Variants in FGD3 observed in about 807,000 individuals in gnomAD.
FGD3 encodes the protein FYVE, RhoGEF and PH domain containing 3, also known as FYVE, RhoGEF and PH domain-containing protein 3.
Under a neutral mutation model 71.8 loss-of-function variants are expected in FGD3, and 45 were observed. That is an observed-to-expected ratio of 0.63 (90% CI 0.49 to 0.80). The LOEUF (loss-of-function observed/expected upper bound fraction) is 0.80, where lower values mean the gene tolerates loss of function less well. FGD3 is among the 30% of genes least tolerant of loss of function. FGD3 has a pLI of 0.00. For synonymous variants in FGD3, 378 were observed against 392.8 expected (o/e 0.96, Z 0.44); for missense variants, 844 against 951.5 (o/e 0.89, Z 1.49).
chr9:92,975,629 G>C (rs909631089), intron 2 of FGD3, among the ~76,000 whole-genome samples: 1 of 152,200 alleles, frequency 6.6e-6, no homozygotes, highest in Non-Finnish European at 1.5e-5. Flanking sequence ...CAGTGCACAG[G>C]AGGGAGGAGG....
rs1338417396 is a variant in FGD3 at position 93,003,933 on chromosome 9, G to A, written c.544-68G>A. 19 of 1,591,836 alleles carry A rather than the reference G, an allele frequency of 1.2e-5. No individual in the cohort carries two copies. The highest frequency in any genetic ancestry group is 2.2e-5 in the South Asian group (2 of 90,320). ...CTCCCGAGCGCCCTCACCTGTGGCC[G>A]AAGCGGGGCGGCAACTGTGCTCAGT... On this transcript the variant is annotated intron_variant, in intron 4 of 17. Transcript: ENST00000375482. This position sits in a 1 kb window ranked among gnomAD's most constrained non-coding sequence, Gnocchi z 4.1.
chr9:93,032,938 G>A (rs968704660), intron 16 of FGD3, 65 bp downstream of exon 16: 1 of 1,437,792 alleles, frequency 7.0e-7, no homozygotes. Context: ...ACCTGCTCCT[G>A]TGCCCCAGCA....
intron 1 of FGD3, among the ~76,000 whole-genome samples, chr9:92,959,898 C>T (rs1006649670): frequency 2.0e-5 from 3 of 151,776 alleles, no homozygotes; most frequent in African/African-American, 7.3e-5. Context: ...CCCCCATGCC[C>T]TCATTTCTCT....
At position 93,013,969 on chromosome 9, in the gene FGD3, G is replaced by A. The variant is rs1861550640; in HGVS notation, c.1153G>A (p.Gly385Ser). Reference sequence around the variant, plus strand: ...AATCCAGAAACTGTCAGCCAAGAACGGCACCCCCCAGGACCGCCACCTCTT... The same window carrying A: ...AATCCAGAAACTGTCAGCCAAGAACAGCACCCCCCAGGACCGCCACCTCTT... ...GQIQKLSAKN[G>S]TPQDRHLFLF... Residue 385 changes from glycine to serine, a missense_variant, in exon 9 of 18, where the codon GGC becomes AGC. Coordinates refer to ENST00000375482, the MANE Select transcript of FGD3 (RefSeq NM_001083536.2). 3.7e-6 allele frequency: 6 copies of A among 1,610,572 alleles called. No homozygotes were observed. Among genetic ancestry groups the A allele is most frequent in the Admixed American group, 1.7e-5 (1 of 59,458 alleles).
chr9:93,004,245 G>T, intron 5 of FGD3, 108 bp downstream of exon 5: 1 of 1,439,150 alleles, frequency 6.9e-7, no homozygotes, highest in Non-Finnish European at 9.5e-7. Flanking sequence ...ATGGTGGCTG[G>T]GCGCCTCCCT....
intron 14 of FGD3, among the ~76,000 whole-genome samples, chr9:93,026,396 G>A (rs903899680): frequency 6.6e-6 from 1 of 152,196 alleles, no homozygotes; most frequent in Non-Finnish European, 1.5e-5. Context: ...GCATGGCCGA[G>A]AGAGCATCCC....
intron 1 of FGD3, among the ~76,000 whole-genome samples, chr9:92,952,479 C>T (rs147051746): frequency 9.9e-4 from 151 of 152,190 alleles, no homozygotes; most frequent in African/African-American, 3.5e-3. Flanking sequence ...CCTCGTGATC[C>T]GCCTGCCTCG....
At chr9:92,970,788 T>A (rs1031930879) in intron 1 of FGD3, among the ~76,000 whole-genome samples, 3 of 152,220 alleles carry the variant, frequency 2.0e-5, no homozygotes, top group African/African-American at 7.2e-5. Flanking sequence ...TATGTGCACA[T>A]GTGCGTTTGT....
chr9:93,014,052 A>G (rs1455131502), intron 9 of FGD3, 54 bp downstream of exon 9: 19 of 1,562,486 alleles, frequency 1.2e-5, no homozygotes, highest in Non-Finnish European at 1.5e-5. Context: ...CATTTGCCTC[A>G]AGCCCAGGGC....
intron 3 of FGD3, among the ~76,000 whole-genome samples, chr9:92,985,633 C>G (rs1860160637): frequency 6.6e-6 from 1 of 151,934 alleles, no homozygotes; most frequent in Non-Finnish European, 1.5e-5. Flanking sequence ...TGTCAGCCAT[C>G]ATTCCTGGCT....
chr9:93,033,277 ACCCCCTCCTCCTCC>A (rs1862429298), intron 16 of FGD3: 1 of 237,738 alleles, frequency 4.2e-6, no homozygotes, highest in Non-Finnish European at 8.4e-6. Context: ...GGAGGCAGGC[ACCCCCTCCTCCTCC>A]TCCCCGTCCC....
At chr9:92,976,078 C>A (rs1859740211) in intron 2 of FGD3, 130 bp from the exon 3 acceptor site, 2 of 586,354 alleles carry the variant, frequency 3.4e-6, no homozygotes, top group East Asian at 5.6e-5. Context: ...CACACAACCC[C>A]CAGCCCACCT....
intron 8 of FGD3, 75 bp from the exon 9 acceptor site, chr9:93,013,777 G>T (rs1414568104): frequency 6.3e-7 from 1 of 1,585,664 alleles, no homozygotes; most frequent in Non-Finnish European, 8.6e-7. Context: ...CGGTTGCAGG[G>T]AAGGACTCCG....
At chr9:92,968,056 T>G (rs752942304) in intron 1 of FGD3, among the ~76,000 whole-genome samples, 17 of 152,186 alleles carry the variant, frequency 1.1e-4, no homozygotes, top group Non-Finnish European at 1.9e-4. Context: ...GGGAGAAACA[T>G]TCTTGACTAG....
rs2118575635 is a variant in FGD3, at chr9:92,976,531, G to A, written c.275G>A (p.Cys92Tyr). ...SSSVAGENFP[C>Y]EEGLEAGPSP... ...AGTGTGGCTGGAGAGAACTTTCCCT[G>A]CGAGGAGGGCTTGGAGGCTGGCCCA... is the stretch of plus-strand genomic sequence containing the variant. The change falls in exon 3 of 18, where the codon TGC (cysteine) becomes TAC (tyrosine). Residue 92 changes from cysteine to tyrosine, a missense_variant. Physicochemically the swap from Cys to Tyr is radical, Grantham distance 194 (BLOSUM62 -2). Coordinates refer to ENST00000375482, the MANE Select transcript of FGD3 (RefSeq NM_001083536.2). 1.2e-6 allele frequency: 2 copies of A among 1,612,532 alleles called. No individual in the cohort carries two copies. Among genetic ancestry groups the A allele is most frequent in the East Asian group, 4.5e-5 (2 of 44,872 alleles).
At chr9:92,983,959 C>T (rs898180859) in intron 3 of FGD3, among the ~76,000 whole-genome samples, 2 of 152,206 alleles carry the variant, frequency 1.3e-5, no homozygotes, top group Admixed American at 6.5e-5. Flanking sequence ...GTCAAGTACA[C>T]GTTACACTGT....
intron 1 of FGD3, among the ~76,000 whole-genome samples, chr9:92,966,035 G>A (rs982313391): frequency 3.3e-5 from 5 of 152,202 alleles, no homozygotes; most frequent in Admixed American, 1.3e-4. Flanking sequence ...GTCCCTAGGC[G>A]GGACGACCGT....
rs569818513 is a variant in FGD3, at chr9:93,023,948, C to T, written c.1557+1559C>T. On this transcript the variant is annotated intron_variant, in intron 14 of 17. Coordinates refer to ENST00000375482, the MANE Select transcript of FGD3 (RefSeq NM_001083536.2). ...TCCCCAGTAGCTGGGACTACAGGCA[C>T]GTGCAACCATGCCCAGCTAATTTTT... is the stretch of plus-strand genomic sequence containing the variant. Among the ~76,000 whole-genome samples the T allele has an allele frequency of 4.6e-5, 7 of 151,780 alleles. No individual in the cohort carries two copies. The South Asian group carries it at 8.4e-4, about 18-fold the overall frequency.
intron 1 of FGD3, among the ~76,000 whole-genome samples, chr9:92,968,554 G>A (rs750809264): frequency 2.0e-5 from 3 of 151,786 alleles, no homozygotes; most frequent in Admixed American, 6.6e-5. Flanking sequence ...TCCAGGCACC[G>A]CTAGGTCACA....
Sources: gnomAD v4.1 joint callset for allele counts (sites outside exome capture counted in the v4.1 genomes callset) on GRCh38, gnomAD v4.1.1 for gene constraint, Gnocchi (gnomAD v3.1) non-coding constraint, MANE v1.5 for transcripts, NCBI Gene and HGNC (gene_info 2026-07-23, HGNC 2026-07-21) for gene names.